NWD2: variants seen among roughly 807,000 people sequenced by gnomAD.
NWD2 encodes NACHT and WD repeat domain containing 2, also known as NACHT and WD repeat domain-containing protein 2.
In NWD2, 37 loss-of-function variants were observed where a neutral mutation model predicts 132.7. The ratio of observed to expected loss-of-function variants is 0.28; its 90% CI spans 0.21 to 0.37. The LOEUF (loss-of-function observed/expected upper bound fraction) is 0.37, where lower values mean the gene tolerates loss of function less well. Among genes scored for constraint, NWD2 ranks in the 10% least tolerant of loss-of-function variants. NWD2 has a pLI of 1.00. For synonymous variants in NWD2, 705 were observed against 803.0 expected (o/e 0.88, Z 2.06); for missense variants, 1,592 against 2,122.4 (o/e 0.75, Z 4.91).
intron 1 of NWD2, among the ~76,000 whole-genome samples, chr4:37,281,703 A>G (rs1718133956): frequency 6.6e-6 from 1 of 152,156 alleles, no homozygotes; most frequent in South Asian, 2.1e-4. Context: ...AGTCGTGGAG[A>G]TGGTATTTGA....
At chr4:37,330,040 G>A (rs1052869145) in intron 2 of NWD2, among the ~76,000 whole-genome samples, 1 of 152,142 alleles carries the variant, frequency 6.6e-6, no homozygotes, top group Non-Finnish European at 1.5e-5. Flanking sequence ...AATAGAATAT[G>A]AATAGAATAG....
intron 3 of NWD2, among the ~76,000 whole-genome samples, chr4:37,375,760 G>A (rs1720335022): frequency 2.0e-5 from 3 of 152,014 alleles, no homozygotes; most frequent in Admixed American, 6.6e-5. Flanking sequence ...GTAGAGACGG[G>A]GTTTCACCGT....
chr4:37,369,630 A>G (rs2109305000), intron 3 of NWD2, among the ~76,000 whole-genome samples: 1 of 152,326 alleles, frequency 6.6e-6, no homozygotes, highest in East Asian at 1.9e-4. Context: ...CATTCCCTGT[A>G]TTGGTTTTCA....
At chr4:37,310,557 TGAG>T (rs1342917132) in intron 1 of NWD2, among the ~76,000 whole-genome samples, 1 of 135,524 alleles carries the variant, frequency 7.4e-6, no homozygotes, top group Non-Finnish European at 1.6e-5. Context: ...ATAGAAGTTT[TGAG>T]GAGGTGTTCT....
At position 37,446,561 on chromosome 4, in the gene NWD2, A is replaced by G. The variant is rs1256084480; in HGVS notation, c.4573A>G (p.Lys1525Glu). Residue 1525 changes from lysine (K) to glutamate (E), a missense_variant, in exon 7 of 7, where the codon AAA becomes GAA. Lys to Glu is a moderately conservative substitution (Grantham distance 56). Around this residue, in one of 7 missense-constraint regions of NWD2, gnomAD observed 257 missense variants for 335.0 expected, o/e 0.77. Coordinates refer to ENST00000309447, the MANE Select transcript of NWD2 (RefSeq NM_001144990.2). The surrounding 1 kb of genome is among the most constrained non-coding windows in gnomAD (Gnocchi z 6.7). Reference protein sequence around the residue: ...RRVQLPNNFLKNLEDFEISPN... With the variant: ...RRVQLPNNFLENLEDFEISPN... The stretch of plus-strand genomic sequence containing the variant: ...CGTGCAACTTCCAAACAACTTCTTG[A>G]AAAATCTGGAGGACTTTGAAATTTC... 5 of 1,551,776 alleles carry G rather than the reference A, an allele frequency of 3.2e-6. No homozygotes were observed. In the South Asian group the frequency reaches 5.9e-5, roughly 18 times the overall value.
intron 3 of NWD2, among the ~76,000 whole-genome samples, chr4:37,411,382 A>G (rs1459436348): frequency 6.6e-6 from 1 of 152,258 alleles, no homozygotes; most frequent in African/African-American, 2.4e-5. Context: ...TAGAAAATCT[A>G]GAAGAAATGG....
intron 1 of NWD2, among the ~76,000 whole-genome samples, chr4:37,268,630 A>C: frequency 6.6e-6 from 1 of 151,888 alleles, no homozygotes; most frequent in African/African-American, 2.4e-5. Context: ...TTTATGTAGA[A>C]AGATCATTCA....
intron 3 of NWD2, among the ~76,000 whole-genome samples, chr4:37,366,367 C>G (rs1219908941): frequency 6.6e-6 from 1 of 151,992 alleles, no homozygotes; most frequent in African/African-American, 2.4e-5. Context: ...CTCCCATTGC[C>G]CTATCAGTCT....
chr4:37,319,926 G>GT (rs1560393924), intron 1 of NWD2, among the ~76,000 whole-genome samples: 2 of 152,044 alleles, frequency 1.3e-5, no homozygotes, highest in African/African-American at 4.8e-5. Flanking sequence ...CAAATTTGTT[G>GT]TTTTTTGCTT....
intron 1 of NWD2, among the ~76,000 whole-genome samples, chr4:37,274,669 G>T (rs557361703): frequency 1.6e-4 from 24 of 151,984 alleles, no homozygotes; most frequent in African/African-American, 5.5e-4. Context: ...GAACATCGAT[G>T]CAAAAATCCT....
At chr4:37,437,841 A>C (rs1712362133) in intron 5 of NWD2, among the ~76,000 whole-genome samples, 1 of 152,208 alleles carries the variant, frequency 6.6e-6, no homozygotes, top group South Asian at 2.1e-4. Flanking sequence ...ATAATACGGT[A>C]TATGTTAGAA....
chr4:37,250,159 T>TACACAC (rs59150547), intron 1 of NWD2, among the ~76,000 whole-genome samples: 4,429 of 149,054 alleles, frequency 0.03, 85 homozygotes, highest in African/African-American at 0.044. Flanking sequence ...TGTGTGTGTA[T>TACACAC]ACACACACAC....
intron 1 of NWD2, among the ~76,000 whole-genome samples, chr4:37,261,067 T>C (rs1417568285): frequency 1.2e-4 from 18 of 152,224 alleles, no homozygotes; most frequent in Admixed American, 1.2e-3. Context: ...GGGATTCATC[T>C]GAGGGTCAAG....
Position 37,447,322 on chromosome 4 carries a change from C to A in NWD2, c.*105C>A. The A allele has an allele frequency of 1.2e-6, 1 of 855,976 alleles. No homozygotes were observed. The allele number at this position is 855,976 out of a possible 1,614,324, so 53.0% of individuals were successfully genotyped here. A position where few individuals can be genotyped will look rare whatever the true frequency, so the allele number is the denominator to read the frequency against. ...CATTTATTAAAAGGCAGGAGCGATG[C>A]TGGAATTCCAGTGTTTTATTAAGAT... On this transcript the variant is annotated 3_prime_UTR_variant, in exon 7 of 7. Coordinates refer to ENST00000309447, the MANE Select transcript of NWD2 (RefSeq NM_001144990.2).
chr4:37,401,909 G>A (rs752557675), intron 3 of NWD2, among the ~76,000 whole-genome samples: 16 of 152,134 alleles, frequency 1.1e-4, no homozygotes, highest in South Asian at 6.2e-4. Flanking sequence ...ACCCACTTCC[G>A]TGTACCTGCT....
At chr4:37,398,858 G>A (rs1466960726) in intron 3 of NWD2, among the ~76,000 whole-genome samples, 4 of 152,050 alleles carry the variant, frequency 2.6e-5, no homozygotes, top group East Asian at 1.9e-4. Flanking sequence ...AAAAATGAAT[G>A]CTGGCTAAGA....
intron 3 of NWD2, among the ~76,000 whole-genome samples, chr4:37,385,147 G>A (rs973190965): frequency 1.3e-5 from 2 of 152,054 alleles, no homozygotes; most frequent in Non-Finnish European, 1.5e-5. Flanking sequence ...ACACATGACC[G>A]ATCCCAGCTG....
chr4:37,363,155 A>G (rs1304163543), intron 3 of NWD2, among the ~76,000 whole-genome samples: 3 of 152,188 alleles, frequency 2.0e-5, no homozygotes, highest in Non-Finnish European at 4.4e-5. Context: ...TCAAAAAACA[A>G]CAGATGCTGG....
At chr4:37,426,732 A>C (rs1202275698) in intron 3 of NWD2, among the ~76,000 whole-genome samples, 1 of 152,108 alleles carries the variant, frequency 6.6e-6, no homozygotes, top group African/African-American at 2.4e-5. Context: ...CTTCACTCAC[A>C]ATGTTCTTTC....
Sources: gnomAD v4.1 joint callset for allele counts (sites outside exome capture counted in the v4.1 genomes callset) on GRCh38, gnomAD v4.1.1 for gene constraint, gnomAD v4.1.1 regional missense constraint, Gnocchi (gnomAD v3.1) non-coding constraint, MANE v1.5 for transcripts, NCBI Gene and HGNC (gene_info 2026-07-23, HGNC 2026-07-21) for gene names.